Variants in FAM124B observed in about 807,000 individuals in gnomAD.
FAM124B encodes protein FAM124B.
Under a neutral mutation model 19.7 loss-of-function variants are expected in FAM124B, and 18 were observed. That is an observed-to-expected ratio of 0.92 (90% CI 0.63 to 1.36). The LOEUF is 1.36. Ranked by LOEUF, FAM124B falls within the 40% of genes most tolerant of loss-of-function variation. The probability of loss-of-function intolerance (pLI) is 0.00; values close to 1 mark genes in which losing one functional copy is unlikely to be tolerated. For missense variants in FAM124B, 540 were observed against 553.3 expected (o/e 0.98, Z 0.24); for synonymous variants, 223 against 225.2 (o/e 0.99, Z 0.09).
Position 224,379,475 on chromosome 2 carries a change from C to G in FAM124B, c.*98G>C, listed in dbSNP as rs909965753. ...TTGTGCATGGGGAGCATTCAGCCCC[C>G]CTCAGATGAACAACTAACAGGCTGA... is the stretch of plus-strand genomic sequence containing the variant. On this transcript the variant is annotated 3_prime_UTR_variant, in exon 2 of 2. Transcript: ENST00000409685. 7 of 1,416,360 alleles carry G rather than the reference C, an allele frequency of 4.9e-6. No homozygotes were observed. The Admixed American group carries it at 2.0e-4, about 40-fold the overall frequency. 87.7% of individuals were successfully genotyped at this position (1,416,360 alleles called of 1,614,324 possible).
intron 1 of FAM124B, among the ~76,000 whole-genome samples, chr2:224,391,272 C>T (rs1689883054): frequency 6.8e-6 from 1 of 146,198 alleles, no homozygotes; most frequent in Non-Finnish European, 1.5e-5. Context: ...ACCCGGGAGG[C>T]GGAGGTTGCA....
Position 224,380,157 on chromosome 2 carries a change from T to C in FAM124B, c.784A>G (p.Met262Val). 4 of 1,551,400 alleles carry C rather than the reference T, an allele frequency of 2.6e-6. No homozygotes were observed. The highest frequency in any genetic ancestry group is 3.5e-6 in the Non-Finnish European group (4 of 1,146,812). Residue 262 changes from methionine to valine, a missense_variant, in exon 2 of 2, where the codon ATG becomes GTG. Coordinates refer to ENST00000409685, the MANE Select transcript of FAM124B (RefSeq NM_001122779.2). ...GVKNGILGAG[M>V]LPLGSRLTSV... ...GTCAGCCTGGAGCCCAGGGGAAGCATGCCAGCTCCCAAGATGCCATTCTTA... is the reference window on the plus strand; with the variant it reads ...GTCAGCCTGGAGCCCAGGGGAAGCACGCCAGCTCCCAAGATGCCATTCTTA...
intron 1 of FAM124B, among the ~76,000 whole-genome samples, chr2:224,385,821 T>G (rs1574571988): frequency 6.6e-6 from 1 of 152,176 alleles, no homozygotes; most frequent in Non-Finnish European, 1.5e-5. Context: ...CCCGTCCCCA[T>G]GGACACTTCC....
chr2:224,382,485 C>T (rs563102469), intron 1 of FAM124B, among the ~76,000 whole-genome samples: 322 of 145,564 alleles, frequency 2.2e-3, no homozygotes, highest in South Asian at 4.3e-3. Flanking sequence ...TCTCAGCTCA[C>T]TGCAACCTCC....
chr2:224,393,904 A>G (rs1289356548), intron 1 of FAM124B, among the ~76,000 whole-genome samples: 1 of 152,124 alleles, frequency 6.6e-6, no homozygotes, highest in Non-Finnish European at 1.5e-5. Context: ...TGGTAGCAGC[A>G]GTTACTGGTG....
Position 224,401,068 on chromosome 2 carries a change from T to G in FAM124B, c.701A>C (p.Gln234Pro). The G allele has an allele frequency of 1.9e-6, 3 of 1,609,390 alleles. No homozygotes were observed. The highest frequency in any genetic ancestry group is 1.7e-6 in the Non-Finnish European group (2 of 1,176,614). Residue 234 changes from glutamine to proline, a missense_variant, in exon 1 of 2, where the codon CAG becomes CCG. Coordinates refer to ENST00000409685, the MANE Select transcript of FAM124B (RefSeq NM_001122779.2). Reference sequence around the variant, plus strand: ...CAGAATCTTGTTGCCATCGTAGTCCTGAGTCTGCCACCTGGTGCTGCTGAT... The same window carrying G: ...CAGAATCTTGTTGCCATCGTAGTCCGGAGTCTGCCACCTGGTGCTGCTGAT... The part of the protein sequence containing the change: ...MPISSTRWQT[Q>P]DYDGNKILLQ...
chr2:224,398,368 T>A (rs1339543398), intron 1 of FAM124B, among the ~76,000 whole-genome samples: 2 of 152,052 alleles, frequency 1.3e-5, no homozygotes, highest in African/African-American at 4.8e-5. Flanking sequence ...AAAGTGCTAG[T>A]ATTACAGGCC....
In FAM124B at chr2:224,401,490, T is replaced by C. The variant is rs969371637; in HGVS notation, c.279A>G (p.Pro93=). 14 of 1,613,964 alleles carry C rather than the reference T, an allele frequency of 8.7e-6. No homozygotes were observed. Among genetic ancestry groups the C allele is most frequent in the Non-Finnish European group, 1.2e-5 (14 of 1,180,026 alleles). ...TGTCCTGGGTGGGGTAGCACTGCCA[T>C]GGCGAATGCTGGAGAGAGTCCAGGA... is the stretch of plus-strand genomic sequence containing the variant. ...FRVLDSLQHS[P]WQCYPTQDTR... Residue 93 remains proline, a synonymous_variant, in exon 1 of 2, where the codon CCA becomes CCG. Coordinates refer to ENST00000409685, the MANE Select transcript of FAM124B (RefSeq NM_001122779.2).
chr2:224,394,803 A>G (rs1689943832), intron 1 of FAM124B, among the ~76,000 whole-genome samples: 1 of 152,120 alleles, frequency 6.6e-6, no homozygotes, highest in South Asian at 2.1e-4. Context: ...TGACATCCTC[A>G]GTCAATTTCA....
intron 1 of FAM124B, among the ~76,000 whole-genome samples, chr2:224,387,513 C>A (rs528857429): frequency 1.3e-5 from 2 of 152,298 alleles, no homozygotes; most frequent in South Asian, 4.1e-4. Context: ...CTAAACAGTG[C>A]CAGGCTCACT....
chr2:224,385,342 C>A (rs1689786803), intron 1 of FAM124B, among the ~76,000 whole-genome samples: 1 of 152,186 alleles, frequency 6.6e-6, no homozygotes, highest in Non-Finnish European at 1.5e-5. Context: ...GCTTCTTGGC[C>A]AATAAATTCC....
At position 224,401,890 on chromosome 2, in the gene FAM124B, T is replaced by C; in HGVS notation, c.-122A>G. On this transcript the variant is annotated 5_prime_UTR_variant, in exon 1 of 2. Transcript: ENST00000409685. The stretch of plus-strand genomic sequence containing the variant: ...CCTGAAAACCTTCAGCTGCAGCGGC[T>C]ACTTCTGAGCAGAGCTCTTAACCAG... 2 of 1,198,414 alleles carry C rather than the reference T, an allele frequency of 1.7e-6. No individual in the cohort carries two copies. Among genetic ancestry groups the C allele is most frequent in the Non-Finnish European group, 2.3e-6 (2 of 862,684 alleles). The allele number at this position is 1,198,414 out of a possible 1,614,324, so 74.2% of individuals were successfully genotyped here.
In FAM124B at chr2:224,379,308, G is replaced by A; in HGVS notation, c.*265C>T. On this transcript the variant is annotated 3_prime_UTR_variant, in exon 2 of 2. Transcript: ENST00000409685. ...GGTGCTGGATTCAACACATCCAGCT[G>A]GGTTAGTGCATCTCCACGGAACAAA... 2.5e-6 allele frequency: 1 copy of A among 407,820 alleles called. No individual in the cohort carries two copies. Among genetic ancestry groups the A allele is most frequent in the Non-Finnish European group, 4.4e-6 (1 of 227,490 alleles). The allele number at this position is 407,820 out of a possible 1,614,324, so 25.3% of individuals were successfully genotyped here.
chr2:224,400,252 G>C, intron 1 of FAM124B: 1 of 459,832 alleles, frequency 2.2e-6, no homozygotes, highest in East Asian at 3.2e-5. Flanking sequence ...AGAACTTAAA[G>C]TATAATAATA....
intron 1 of FAM124B, among the ~76,000 whole-genome samples, chr2:224,391,103 G>C (rs559278167): frequency 6.6e-6 from 1 of 150,672 alleles, no homozygotes; most frequent in South Asian, 2.1e-4. Context: ...AGCACTTTGG[G>C]AGGCCAAAGT....
At chr2:224,381,342 G>A (rs1689709774) in intron 1 of FAM124B, among the ~76,000 whole-genome samples, 1 of 152,070 alleles carries the variant, frequency 6.6e-6, no homozygotes, top group Non-Finnish European at 1.5e-5. Flanking sequence ...TATAGTCCCA[G>A]CTATTCAGAA....
At position 224,379,198 on chromosome 2, in the gene FAM124B, A is replaced by G. The variant is rs1474813260; in HGVS notation, c.*375T>C. 2.7e-5 allele frequency: 5 copies of G among 182,374 alleles called. No individual in the cohort carries two copies. The South Asian group carries it at 6.0e-4, about 22-fold the overall frequency. The allele number at this position is 182,374 out of a possible 1,614,324, so 11.3% of individuals were successfully genotyped here. On this transcript the variant is annotated 3_prime_UTR_variant, in exon 2 of 2. Transcript: ENST00000409685. ...CCAGGGGGATGAGCTATGCAACCTAAGTAAAAATTAAAACCAAATTACAGA... is the reference window on the plus strand; with the variant it reads ...CCAGGGGGATGAGCTATGCAACCTAGGTAAAAATTAAAACCAAATTACAGA...
At chr2:224,389,283 C>G (rs1689845011) in intron 1 of FAM124B, among the ~76,000 whole-genome samples, 1 of 152,170 alleles carries the variant, frequency 6.6e-6, no homozygotes. Flanking sequence ...TAAAGCCAGG[C>G]AGGGGCATTT....
At chr2:224,393,026 C>A (rs1268575515) in intron 1 of FAM124B, among the ~76,000 whole-genome samples, 1 of 152,216 alleles carries the variant, frequency 6.6e-6, no homozygotes, top group Non-Finnish European at 1.5e-5. Context: ...AGCACAGATA[C>A]AGAATATTTT....
Sources: gnomAD v4.1 joint callset for allele counts (sites outside exome capture counted in the v4.1 genomes callset) on GRCh38, gnomAD v4.1.1 for gene constraint, MANE v1.5 for transcripts, NCBI Gene and HGNC (gene_info 2026-07-23, HGNC 2026-07-21) for gene names.